Variants in C9 observed in about 807,000 individuals in gnomAD.
The protein encoded by C9 is complement component C9.
A neutral mutation model predicts 65.4 loss-of-function variants in C9; 63 were observed. The ratio of observed to expected loss-of-function variants is 0.96; its 90% CI spans 0.79 to 1.19. C9 has a LOEUF of 1.19. Among genes scored for constraint, C9 ranks in the 50% most tolerant of loss-of-function variants. The pLI is 0.00. For missense variants in C9, 744 were observed against 670.1 expected (o/e 1.11, Z -1.22); for synonymous variants, 229 against 227.9 (o/e 1.00, Z -0.04).
intron 5 of C9, among the ~76,000 whole-genome samples, chr5:39,317,822 A>T (rs1192938857): frequency 1.3e-5 from 2 of 151,494 alleles, no homozygotes; most frequent in Admixed American, 6.6e-5. Context: ...TCTTGGCTAT[A>T]TAGGCTCTTT....
chr5:39,318,465 G>T (rs10051927), intron 5 of C9, among the ~76,000 whole-genome samples: 4,489 of 152,164 alleles, frequency 0.03, 203 homozygotes, highest in African/African-American at 0.1. Context: ...TCCAACTTTT[G>T]CCCATTCAGG....
chr5:39,307,760 T>C (rs1468693100), intron 8 of C9, among the ~76,000 whole-genome samples: 1 of 152,224 alleles, frequency 6.6e-6, no homozygotes, highest in African/African-American at 2.4e-5. Context: ...AACATATTTG[T>C]ATTTTTGAAA....
In C9 at chr5:39,285,067, A is replaced by G. The variant is rs1181144970; in HGVS notation, c.*132T>C. 1.3e-6 allele frequency: 1 copy of G among 769,158 alleles called. No homozygotes were observed. Among genetic ancestry groups the G allele is most frequent in the Non-Finnish European group, 2.3e-6 (1 of 432,222 alleles). 47.6% of individuals were successfully genotyped at this position (769,158 alleles called of 1,614,324 possible). ...AAAAATTATAGACCTAAGAGAGAAGAGACTTCAGAGGTTGGTAGGATTTTC... is the reference window on the plus strand; with the variant it reads ...AAAAATTATAGACCTAAGAGAGAAGGGACTTCAGAGGTTGGTAGGATTTTC... On this transcript the variant is annotated 3_prime_UTR_variant, in exon 11 of 11. Coordinates refer to ENST00000263408, the MANE Select transcript of C9 (RefSeq NM_001737.5).
At position 39,306,634 on chromosome 5, in the gene C9, C is replaced by A. The variant is rs752668931; in HGVS notation, c.1399G>T (p.Val467Phe). 41 of 1,613,060 alleles carry A rather than the reference C, an allele frequency of 2.5e-5. No individual in the cohort carries two copies. The highest frequency in any genetic ancestry group is 2.0e-5 in the Non-Finnish European group (23 of 1,179,248). The change falls in exon 9 of 11, where the codon GTT (valine) becomes TTT (phenylalanine). Residue 467 changes from valine to phenylalanine, a missense_variant. Coordinates refer to ENST00000263408, the MANE Select transcript of C9 (RefSeq NM_001737.5). ...TTTCTTACTTTTTGACTAATGAGAA[C>A]AGGAGCATCATTTATGGAAGAGGCC... is the stretch of plus-strand genomic sequence containing the variant. ...NWASSINDAP[V>F]LISQKLSPIY...
intron 9 of C9, 133 bp downstream of exon 9, chr5:39,306,484 T>G: frequency 1.3e-6 from 1 of 756,620 alleles, no homozygotes; most frequent in Non-Finnish European, 2.3e-6. Flanking sequence ...CATGCCTCCT[T>G]TTGGGGAAGA....
rs112434908 is a variant in C9, at chr5:39,355,177, G to A, written c.77+9211C>T. ...ACCTGCCACTCAGACAAGCCTCAGTGAATGCTGGTTCAGAGGATACTGTAC... is the reference window on the plus strand; with the variant it reads ...ACCTGCCACTCAGACAAGCCTCAGTAAATGCTGGTTCAGAGGATACTGTAC... On this transcript the variant is annotated intron_variant, in intron 1 of 10. Transcript: ENST00000263408. Among the ~76,000 whole-genome samples the A allele has an allele frequency of 1.2e-3, 186 of 152,326 alleles. 1 individual carries two copies. Among genetic ancestry groups the A allele is most frequent in the African/African-American group, 4.4e-3 (181 of 41,578 alleles).
chr5:39,322,656 C>T, intron 5 of C9, among the ~76,000 whole-genome samples: 1 of 152,098 alleles, frequency 6.6e-6, no homozygotes. Flanking sequence ...GGAGACATTA[C>T]TGTTGGCTCT....
At chr5:39,353,785 G>T (rs1754366102) in intron 1 of C9, among the ~76,000 whole-genome samples, 1 of 152,162 alleles carries the variant, frequency 6.6e-6, no homozygotes. Context: ...AAATACCAGT[G>T]AGCTTGGGGA....
chr5:39,330,162 T>G (rs906318850), intron 5 of C9, among the ~76,000 whole-genome samples: 1 of 151,596 alleles, frequency 6.6e-6, no homozygotes. Flanking sequence ...ATCTATAGTC[T>G]TCATTTTTCC....
At chr5:39,344,498 G>A (rs1010272259) in intron 1 of C9, among the ~76,000 whole-genome samples, 1 of 152,200 alleles carries the variant, frequency 6.6e-6, no homozygotes, top group East Asian at 1.9e-4. Flanking sequence ...AATGAACAAA[G>A]CCTCCAAGAA....
intron 5 of C9, among the ~76,000 whole-genome samples, chr5:39,316,236 A>G (rs1156786408): frequency 6.6e-6 from 1 of 152,236 alleles, no homozygotes; most frequent in Non-Finnish European, 1.5e-5. Context: ...CTATGTGCTT[A>G]GTATGATTCT....
chr5:39,309,100 G>A (rs974492185), intron 7 of C9, among the ~76,000 whole-genome samples: 1 of 151,700 alleles, frequency 6.6e-6, no homozygotes, highest in Non-Finnish European at 1.5e-5. Flanking sequence ...TGCCCAAACA[G>A]TTACTAGAAA....
chr5:39,358,902 G>A (rs1232110411), intron 1 of C9, among the ~76,000 whole-genome samples: 2 of 151,116 alleles, frequency 1.3e-5, no homozygotes, highest in African/African-American at 2.4e-5. Flanking sequence ...GGAGAATGGC[G>A]TGAACCCGGG....
intron 4 of C9, among the ~76,000 whole-genome samples, chr5:39,340,733 T>A (rs1754061129): frequency 6.6e-6 from 1 of 152,122 alleles, no homozygotes; most frequent in South Asian, 2.1e-4. Context: ...CCAGGAGAAG[T>A]TCCAATGGAA....
intron 5 of C9, among the ~76,000 whole-genome samples, chr5:39,329,010 A>T (rs932385121): frequency 6.6e-6 from 1 of 152,232 alleles, no homozygotes; most frequent in Non-Finnish European, 1.5e-5. Flanking sequence ...TTCATCTCCC[A>T]AATCTTACAT....
chr5:39,326,978 TA>T (rs550655853), intron 5 of C9, among the ~76,000 whole-genome samples: 66 of 151,692 alleles, frequency 4.4e-4, no homozygotes, highest in African/African-American at 1.6e-3. Context: ...TAGCATAGTA[TA>T]CAATATAGTT....
chr5:39,335,638 A>C (rs910330721), intron 4 of C9, among the ~76,000 whole-genome samples: 18 of 152,196 alleles, frequency 1.2e-4, no homozygotes, highest in African/African-American at 3.9e-4. Flanking sequence ...ATTTTATATC[A>C]GGGACTTGAG....
chr5:39,304,835 A>C (rs1753345081), intron 9 of C9, among the ~76,000 whole-genome samples: 1 of 152,228 alleles, frequency 6.6e-6, no homozygotes, highest in Non-Finnish European at 1.5e-5. Flanking sequence ...GTGCATCCAT[A>C]CAGCAGGACT....
chr5:39,347,372 C>T (rs1333329878), intron 1 of C9, among the ~76,000 whole-genome samples: 1 of 152,128 alleles, frequency 6.6e-6, no homozygotes, highest in East Asian at 1.9e-4. Flanking sequence ...TTCTTACACA[C>T]CAATAACAGA....
Sources: gnomAD v4.1 joint callset for allele counts (sites outside exome capture counted in the v4.1 genomes callset) on GRCh38, gnomAD v4.1.1 for gene constraint, MANE v1.5 for transcripts, NCBI Gene and HGNC (gene_info 2026-07-23, HGNC 2026-07-21) for gene names.